Variants in RAB3C observed in about 807,000 individuals in gnomAD.
RAB3C encodes RAB3C, member RAS oncogene family.
Under a neutral mutation model 26.4 loss-of-function variants are expected in RAB3C, and 17 were observed. The ratio of observed to expected loss-of-function variants is 0.64; its 90% CI spans 0.44 to 0.97. RAB3C has a LOEUF of 0.97. RAB3C is among the 50% of genes least tolerant of loss of function. The pLI, the probability that RAB3C is intolerant of heterozygous loss-of-function variation, is 0.00. For missense variants in RAB3C, 242 were observed against 281.9 expected, an observed-to-expected ratio of 0.86 and a Z score of 1.01; for synonymous variants, 91 against 95.9, an observed-to-expected ratio of 0.95 and a Z score of 0.30.
In RAB3C at chr5:58,677,321, C is replaced by T. The variant is rs553221170; in HGVS notation, c.253-48681C>T. Reference sequence around the variant, plus strand: ...AACTAGGATTTGAGCATATAAATTTCGGGGAGTGGGCACAAGACAATCTAT... The same window carrying T: ...AACTAGGATTTGAGCATATAAATTTTGGGGAGTGGGCACAAGACAATCTAT... On this transcript the variant is annotated intron_variant, in intron 2 of 4. Transcript: ENST00000282878. 3.9e-5 allele frequency among the ~76,000 whole-genome samples: 6 copies of T among 152,238 alleles called. No homozygotes were observed. In the South Asian group the frequency reaches 1.0e-3, roughly 26 times the overall value.
intron 3 of RAB3C, among the ~76,000 whole-genome samples, chr5:58,796,523 C>A (rs974503393): frequency 2.0e-5 from 3 of 152,220 alleles, no homozygotes; most frequent in Middle Eastern, 3.4e-3. Flanking sequence ...TGGCAGGAAA[C>A]AGAAGCCATC....
intron 1 of RAB3C, among the ~76,000 whole-genome samples, chr5:58,588,715 T>C (rs1746063485): frequency 6.6e-6 from 1 of 152,158 alleles, no homozygotes. Flanking sequence ...GAAATTTAGG[T>C]TAATTAATTA....
intron 2 of RAB3C, among the ~76,000 whole-genome samples, chr5:58,686,689 CACAT>C (rs773186330): frequency 0.027 from 4,002 of 149,078 alleles, 74 homozygotes; most frequent in Middle Eastern, 0.049. Flanking sequence ...TACACACACA[CACAT>C]ACACACACAC....
chr5:58,690,692 A>G (rs1748553337), intron 2 of RAB3C, among the ~76,000 whole-genome samples: 1 of 152,032 alleles, frequency 6.6e-6, no homozygotes, highest in South Asian at 2.1e-4. Context: ...AAAACTTGAA[A>G]CTGTCAGGTC....
At chr5:58,789,017 G>A (rs763559028) in intron 3 of RAB3C, among the ~76,000 whole-genome samples, 6 of 152,110 alleles carry the variant, frequency 3.9e-5, no homozygotes, top group Admixed American at 1.3e-4. Context: ...ACATGGGCAC[G>A]TGAATCTGGG....
At chr5:58,833,209 T>C (rs1041650116) in intron 4 of RAB3C, among the ~76,000 whole-genome samples, 1 of 151,972 alleles carries the variant, frequency 6.6e-6, no homozygotes, top group Non-Finnish European at 1.5e-5. Flanking sequence ...GAGATTCCAA[T>C]AAGAAGCTGA....
Position 58,596,753 on chromosome 5 carries a change from A to AATATATT in RAB3C, c.24+13527_24+13528insTATATAT, listed in dbSNP as rs1159993235. Among the ~76,000 whole-genome samples the AATATATT allele has an allele frequency of 4.9e-3, 291 of 59,366 alleles. 7 individuals are homozygous for AATATATT. The highest frequency in any genetic ancestry group is 7.0e-3 in the African/African-American group (106 of 15,066). 38.9% of individuals were successfully genotyped at this position (59,366 alleles called of 152,430 possible). ...CATAATATATAAATATATAATACAT[A>AATATATT]ATATATAAATATATAATATATAATA... On this transcript the variant is annotated intron_variant, in intron 1 of 4. Transcript: ENST00000282878.
At chr5:58,708,002 T>C (rs1387645119) in intron 2 of RAB3C, among the ~76,000 whole-genome samples, 2 of 150,858 alleles carry the variant, frequency 1.3e-5, no homozygotes, top group African/African-American at 2.5e-5. Flanking sequence ...TTTTTTTTTT[T>C]CTTTTTGAGA....
intron 4 of RAB3C, among the ~76,000 whole-genome samples, chr5:58,827,948 T>C (rs1743526553): frequency 6.6e-6 from 1 of 152,256 alleles, no homozygotes; most frequent in African/African-American, 2.4e-5. Context: ...TTGCACATTG[T>C]TTTTTAAAAG....
At chr5:58,609,475 G>T (rs1365438449) in intron 1 of RAB3C, among the ~76,000 whole-genome samples, 1 of 152,186 alleles carries the variant, frequency 6.6e-6, no homozygotes, top group Non-Finnish European at 1.5e-5. Context: ...ATAGTGCAAA[G>T]ATTAGGTGTG....
At chr5:58,711,150 G>A (rs536105596) in intron 2 of RAB3C, among the ~76,000 whole-genome samples, 12 of 152,168 alleles carry the variant, frequency 7.9e-5, no homozygotes, top group Non-Finnish European at 1.3e-4. Context: ...CATGGAGAGC[G>A]AAAAGGAGAG....
intron 4 of RAB3C, 61 bp downstream of exon 4, chr5:58,825,223 A>G (rs761586912): frequency 1.3e-6 from 2 of 1,507,648 alleles, no homozygotes; most frequent in Non-Finnish European, 1.8e-6. Context: ...GTAACTCTGT[A>G]CAGAGTCCGA....
At chr5:58,777,600 T>G (rs1262909296) in intron 3 of RAB3C, among the ~76,000 whole-genome samples, 1 of 151,936 alleles carries the variant, frequency 6.6e-6, no homozygotes, top group Non-Finnish European at 1.5e-5. Flanking sequence ...CCATGTTTTT[T>G]TTTTTTTTTT....
chr5:58,824,333 CA>C lies in RAB3C; in HGVS notation c.372-701del, dbSNP rs1358923792. On this transcript the variant is annotated intron_variant, in intron 3 of 4. Coordinates refer to ENST00000282878, the MANE Select transcript of RAB3C (RefSeq NM_138453.4). Reference sequence around the variant, plus strand: ...ACATTTATTATCTAAGTTCCAAAATCAAAAGTTGGTTAATTTGTGTCATGAA... The same window carrying C: ...ACATTTATTATCTAAGTTCCAAAATCAAAGTTGGTTAATTTGTGTCATGAA... Among the ~76,000 whole-genome samples, 7 of 112,612 alleles carry C rather than the reference CA, an allele frequency of 6.2e-5. No homozygotes were observed. In the East Asian group the frequency reaches 1.4e-3, roughly 23 times the overall value. 73.9% of individuals were successfully genotyped at this position (112,612 alleles called of 152,430 possible).
At chr5:58,768,439 T>A (rs776404732) in intron 3 of RAB3C, among the ~76,000 whole-genome samples, 6,657 of 54,970 alleles carry the variant, frequency 0.12, 206 homozygotes, top group Non-Finnish European at 0.21. Flanking sequence ...CACAAACAGG[T>A]GTAGCTGGGA....
intron 3 of RAB3C, chr5:58,741,912 G>A (rs1407086781): frequency 6.6e-6 from 1 of 151,468 alleles, no homozygotes; most frequent in East Asian, 1.9e-4. Context: ...GGCTGAGTCA[G>A]AAGAATTGCT....
intron 2 of RAB3C, among the ~76,000 whole-genome samples, chr5:58,661,187 G>T (rs1308187354): frequency 1.3e-5 from 2 of 150,182 alleles, no homozygotes; most frequent in Non-Finnish European, 2.9e-5. Context: ...ATATCTTAAA[G>T]TATAGTCATG....
At chr5:58,641,328 C>T (rs191298679) in intron 2 of RAB3C, among the ~76,000 whole-genome samples, 26 of 152,278 alleles carry the variant, frequency 1.7e-4, no homozygotes, top group Admixed American at 1.0e-3. Context: ...GGCCCACTTA[C>T]GAAGGAGAAA....
chr5:58,700,970 T>TTTTA (rs150630099), intron 2 of RAB3C, among the ~76,000 whole-genome samples: 3,799 of 148,336 alleles, frequency 0.026, 59 homozygotes, highest in Middle Eastern at 0.055. Context: ...CTTAAAAATC[T>TTTTA]TTTATTTATT....
Sources: allele counts gnomAD v4.1 joint callset (sites outside exome capture counted in the v4.1 genomes callset), GRCh38; gene constraint gnomAD v4.1.1; transcripts MANE v1.5; gene names NCBI Gene and HGNC (gene_info 2026-07-23, HGNC 2026-07-21).